The following SPIDR variants were observed in gnomAD, a reference collection of about 807,000 sequenced individuals.
The protein encoded by SPIDR is scaffold protein involved in DNA repair, also known as DNA repair-scaffolding protein.
Under a neutral mutation model 104.6 loss-of-function variants are expected in SPIDR, and 93 were observed. The observed-to-expected ratio is 0.89, with a 90% CI of 0.75 to 1.06. The LOEUF (loss-of-function observed/expected upper bound fraction) is 1.06, where lower values mean the gene tolerates loss of function less well. Among genes scored for constraint, SPIDR ranks in the 50% least tolerant of loss-of-function variants. The probability of loss-of-function intolerance (pLI) is 0.00; values close to 1 mark genes in which losing one functional copy is unlikely to be tolerated. For missense variants in SPIDR, 1,154 were observed against 1,111.2 expected, an observed-to-expected ratio of 1.04 and a Z score of -0.55; for synonymous variants, 431 against 416.9, an observed-to-expected ratio of 1.03 and a Z score of -0.41.
chr8:47,674,448 T>G (rs1029614806), intron 11 of SPIDR, among the ~76,000 whole-genome samples: 8 of 152,178 alleles, frequency 5.3e-5, no homozygotes, highest in African/African-American at 1.9e-4. Context: ...TACAAAGATC[T>G]GGCCTATCTG....
chr8:47,432,054 T>A (rs1240747209), intron 7 of SPIDR, among the ~76,000 whole-genome samples: 4 of 152,194 alleles, frequency 2.6e-5, no homozygotes, highest in Non-Finnish European at 4.4e-5. Context: ...TTACTCAGAA[T>A]TAAAATTTTG....
chr8:47,519,861 A>T (rs2083772498), intron 8 of SPIDR, among the ~76,000 whole-genome samples: 1 of 152,256 alleles, frequency 6.6e-6, no homozygotes, highest in African/African-American at 2.4e-5. Context: ...TTATAAATAC[A>T]TATGCTTGAT....
intron 8 of SPIDR, among the ~76,000 whole-genome samples, chr8:47,541,670 G>C (rs1227359277): frequency 6.6e-6 from 1 of 152,184 alleles, no homozygotes; most frequent in Non-Finnish European, 1.5e-5. Flanking sequence ...GCCAAGGCAG[G>C]TGGATCACCT....
chr8:47,532,397 C>A (rs1250925346), intron 8 of SPIDR, among the ~76,000 whole-genome samples: 2 of 152,146 alleles, frequency 1.3e-5, no homozygotes, highest in Non-Finnish European at 2.9e-5. Flanking sequence ...AAATAAAACT[C>A]AACTACAAGT....
At chr8:47,330,804 G>A (rs1450535110) in intron 5 of SPIDR, 1 of 456,048 alleles carries the variant, frequency 2.2e-6, no homozygotes. Flanking sequence ...GATTGAAGGT[G>A]CTATAAACAT....
intron 10 of SPIDR, among the ~76,000 whole-genome samples, chr8:47,654,850 A>G (rs997677915): frequency 6.6e-6 from 1 of 152,080 alleles, no homozygotes; most frequent in Non-Finnish European, 1.5e-5. Flanking sequence ...AACATTAGGT[A>G]TATCTCCTAA....
At chr8:47,470,062 C>T (rs1398231980) in intron 8 of SPIDR, among the ~76,000 whole-genome samples, 1 of 152,098 alleles carries the variant, frequency 6.6e-6, no homozygotes, top group African/African-American at 2.4e-5. Context: ...TTCGAATATT[C>T]ATATGGACTA....
At chr8:47,482,998 A>C (rs1383473129) in intron 8 of SPIDR, among the ~76,000 whole-genome samples, 2 of 152,196 alleles carry the variant, frequency 1.3e-5, no homozygotes, top group Non-Finnish European at 2.9e-5. Flanking sequence ...CTCCCCAAGG[A>C]AAGGCCGCCC....
intron 5 of SPIDR, among the ~76,000 whole-genome samples, chr8:47,392,672 A>AT (rs1554653047): frequency 2.0e-5 from 3 of 152,224 alleles, no homozygotes; most frequent in African/African-American, 7.2e-5. Context: ...CACTGAGGAA[A>AT]TTCATTTGGA....
intron 5 of SPIDR, among the ~76,000 whole-genome samples, chr8:47,329,951 G>T (rs1158867056): frequency 6.6e-6 from 1 of 152,118 alleles, no homozygotes; most frequent in Non-Finnish European, 1.5e-5. Context: ...ATTTTGTGCA[G>T]TTTTTTAAAA....
intron 8 of SPIDR, among the ~76,000 whole-genome samples, chr8:47,494,600 A>T (rs1364270184): frequency 6.6e-6 from 1 of 152,116 alleles, no homozygotes; most frequent in Non-Finnish European, 1.5e-5. Flanking sequence ...ACGGCTTAGG[A>T]TACTAGATTT....
chr8:47,300,884 G>C (rs1318960578), intron 5 of SPIDR, among the ~76,000 whole-genome samples: 1 of 152,156 alleles, frequency 6.6e-6, no homozygotes, highest in Non-Finnish European at 1.5e-5. Context: ...GGTCAATTTG[G>C]AATAGGTGTG....
intron 6 of SPIDR, among the ~76,000 whole-genome samples, chr8:47,399,898 A>T (rs1447979672): frequency 6.6e-6 from 1 of 152,212 alleles, no homozygotes; most frequent in Non-Finnish European, 1.5e-5. Context: ...GAGCTGGGGC[A>T]GTAACGATGA....
At chr8:47,371,782 C>T (rs1437555694) in intron 5 of SPIDR, among the ~76,000 whole-genome samples, 1 of 152,104 alleles carries the variant, frequency 6.6e-6, no homozygotes, top group Non-Finnish European at 1.5e-5. Flanking sequence ...TGCATTGCTT[C>T]AAAAAATTAA....
At chr8:47,713,093 A>T in intron 15 of SPIDR, 1 of 1,249,280 alleles carries the variant, frequency 8.0e-7, no homozygotes, top group Non-Finnish European at 1.0e-6. Flanking sequence ...TCACTCCAGA[A>T]TTGCCTGCTG....
At chr8:47,385,255 C>T (rs970972198) in intron 5 of SPIDR, among the ~76,000 whole-genome samples, 5 of 151,816 alleles carry the variant, frequency 3.3e-5, no homozygotes, top group African/African-American at 1.2e-4. Flanking sequence ...TTTTTCTCAC[C>T]CGTAAGGTCT....
At chr8:47,517,237 C>A (rs755136366) in intron 8 of SPIDR, among the ~76,000 whole-genome samples, 1 of 152,126 alleles carries the variant, frequency 6.6e-6, no homozygotes, top group Non-Finnish European at 1.5e-5. Context: ...CAACCCGTCT[C>A]GACCTCCCAA....
chr8:47,718,515 T>G (rs1474562676), intron 16 of SPIDR, among the ~76,000 whole-genome samples: 7 of 152,162 alleles, frequency 4.6e-5, no homozygotes, highest in Non-Finnish European at 1.0e-4. Flanking sequence ...CTTTTTTTTT[T>G]TCATTTTTCT....
chr8:47,305,467 T>C (rs1392814629), intron 5 of SPIDR, among the ~76,000 whole-genome samples: 1 of 152,182 alleles, frequency 6.6e-6, no homozygotes, highest in African/African-American at 2.4e-5. Flanking sequence ...TTGTTTGTAT[T>C]CTTATCAGTA....
Sources: allele counts gnomAD v4.1 joint callset (sites outside exome capture counted in the v4.1 genomes callset), GRCh38; gene constraint gnomAD v4.1.1; transcripts MANE v1.5; gene names NCBI Gene and HGNC (gene_info 2026-07-23, HGNC 2026-07-21).